OPN4: variants seen among roughly 807,000 people sequenced by gnomAD.
The protein encoded by OPN4 is opsin 4, also known as melanopsin.
In OPN4, 43 loss-of-function variants were observed where a neutral mutation model predicts 49.5. The ratio of observed to expected loss-of-function variants is 0.87; its 90% CI spans 0.68 to 1.12. OPN4 has a LOEUF of 1.12. Among genes scored for constraint, OPN4 ranks in the 50% most tolerant of loss-of-function variants. The pLI, the probability that OPN4 is intolerant of heterozygous loss-of-function variation, is 0.00. For synonymous variants in OPN4, 263 were observed against 258.0 expected (o/e 1.02, Z -0.19); for missense variants, 657 against 643.9 (o/e 1.02, Z -0.22).
chr10:86,657,089 A>G, intron 2 of OPN4: 2 of 707,292 alleles, frequency 2.8e-6, no homozygotes, highest in East Asian at 5.0e-5. Flanking sequence ...GGAGAAGGGA[A>G]CCCAGGCTGC....
At chr10:86,664,530 C>T (rs1161810929) in intron 9 of OPN4, among the ~76,000 whole-genome samples, 2 of 152,172 alleles carry the variant, frequency 1.3e-5, no homozygotes, top group African/African-American at 2.4e-5. Flanking sequence ...AGCAGCCCTT[C>T]GCCCCAGCTG....
At chr10:86,656,659 T>C (rs1843872773) in intron 2 of OPN4, among the ~76,000 whole-genome samples, 1 of 152,040 alleles carries the variant, frequency 6.6e-6, no homozygotes, top group Non-Finnish European at 1.5e-5. Context: ...GAAGAGCAGC[T>C]CTAGGCCAGG....
chr10:86,664,035 A>C, intron 9 of OPN4: 1 of 484,220 alleles, frequency 2.1e-6, no homozygotes, highest in South Asian at 3.2e-5. Flanking sequence ...TGTGTGTGTG[A>C]TCATGCAACT....
intron 9 of OPN4, among the ~76,000 whole-genome samples, chr10:86,664,431 G>A (rs894530147): frequency 5.3e-5 from 8 of 152,270 alleles, no homozygotes; most frequent in South Asian, 2.1e-4. Flanking sequence ...GCCAGCTGTC[G>A]GCCCAAGTGC....
Position 86,656,139 on chromosome 10 carries a change from CTCTG to C in OPN4, c.145-12_145-9del. ...AAGCGATAACATGATTCCCTCGTTT[CTCTG>C]TCTCTCCGCAGGCACCTGGGACTTG... On this transcript the variant is annotated splice_polypyrimidine_tract_variant and intron_variant, in intron 1 of 9. Transcript: ENST00000241891. 6.2e-7 allele frequency: 1 copy of C among 1,614,190 alleles called. No homozygotes were observed. The highest frequency in any genetic ancestry group is 8.5e-7 in the Non-Finnish European group (1 of 1,180,010).
intron 2 of OPN4, 23 bp downstream of exon 2, chr10:86,656,323 C>T: frequency 3.2e-6 from 5 of 1,572,948 alleles, no homozygotes; most frequent in Non-Finnish European, 2.6e-6. Context: ...TGGTGCTGGG[C>T]CCAGGGCACT....
Position 86,665,769 on chromosome 10 carries a change from C to CAGATGT in OPN4, c.*18_*19insAGATGT. 1 of 1,608,190 alleles carries CAGATGT rather than the reference C, an allele frequency of 6.2e-7. No homozygotes were observed. Among genetic ancestry groups the CAGATGT allele is most frequent in the East Asian group, 2.2e-5 (1 of 44,840 alleles). ...GGATGTAGGACGCCCACTGGCTCTC[C>CAGATGT]CTTTCTTCTGAGACACATCCAGCCC... On this transcript the variant is annotated 3_prime_UTR_variant, in exon 10 of 10. Coordinates refer to ENST00000241891, the MANE Select transcript of OPN4 (RefSeq NM_033282.4).
Position 86,663,746 on chromosome 10 carries a change from T to G in OPN4, c.1342T>G (p.Leu448Val), listed in dbSNP as rs747204700. 6.4e-7 allele frequency: 1 copy of G among 1,572,236 alleles called. No individual in the cohort carries two copies. The highest frequency in any genetic ancestry group is 8.6e-7 in the Non-Finnish European group (1 of 1,159,186). The change falls in exon 9 of 10, where the codon TTG becomes GTG. Residue 448 changes from leucine to valine, a missense_variant. Transcript: ENST00000241891. The part of the protein sequence containing the change: ...RSLYGQGLED[L>V]EAKAPPRPQG... ...CCTCTACGGTCAGGGTCTGGAGGAC[T>G]TGGAAGCCAAGGCACCCCCCAGACC... is the stretch of plus-strand genomic sequence containing the variant.
intron 1 of OPN4, among the ~76,000 whole-genome samples, 170 bp from the exon 2 acceptor site, chr10:86,655,985 C>T (rs1843851614): frequency 1.3e-5 from 2 of 152,264 alleles, no homozygotes; most frequent in Admixed American, 6.5e-5. Context: ...AAAGGACCTG[C>T]ACTTCCCTTC....
In OPN4 at chr10:86,666,309, G is replaced by A. The variant is rs1036545651; in HGVS notation, c.*558G>A. 10 of 188,390 alleles carry A rather than the reference G, an allele frequency of 5.3e-5. No homozygotes were observed. The highest frequency in any genetic ancestry group is 1.2e-4 in the South Asian group (1 of 8,314). 11.7% of individuals were successfully genotyped at this position (188,390 alleles called of 1,614,324 possible). On this transcript the variant is annotated 3_prime_UTR_variant, in exon 10 of 10. Transcript: ENST00000241891. ...CGCGGGCATTTGCAGGCACGCTCTC[G>A]CGTAGTTACCTATCTGAATGCACAC... is the stretch of plus-strand genomic sequence containing the variant.
chr10:86,654,565 G>A lies in OPN4; in HGVS notation c.-219G>A, dbSNP rs755360863. ...TGTGGCTGTGAGTCACCATAACTGC[G>A]ACACTCACTCATTTGCGCTTCACCA... On this transcript the variant is annotated 5_prime_UTR_variant, in exon 1 of 10. Coordinates refer to ENST00000241891, the MANE Select transcript of OPN4 (RefSeq NM_033282.4). 2.5e-5 allele frequency: 14 copies of A among 552,628 alleles called. No homozygotes were observed. Among genetic ancestry groups the A allele is most frequent in the Non-Finnish European group, 4.1e-5 (13 of 315,022 alleles). 34.2% of individuals were successfully genotyped at this position (552,628 alleles called of 1,614,324 possible).
At position 86,662,283 on chromosome 10, in the gene OPN4, G is replaced by A; in HGVS notation, c.1105G>A (p.Gly369Arg). The A allele has an allele frequency of 3.1e-6, 5 of 1,609,828 alleles. No individual in the cohort carries two copies. The highest frequency in any genetic ancestry group is 2.7e-5 in the African/African-American group (2 of 75,000). ...CATTGCCCAGCACCTGCCCTGCCTG[G>A]GGGTGCTGCTGGGTGTATCACGCCG... ...VAIAQHLPCLGVLLGVSRRHS... is the reference protein window; with the variant it reads ...VAIAQHLPCLRVLLGVSRRHS... The change falls in exon 8 of 10, where the codon GGG becomes AGG. Residue 369 changes from glycine to arginine, a missense_variant. Transcript: ENST00000241891.
In OPN4 at chr10:86,658,593, C is replaced by T. The variant is rs754766542; in HGVS notation, c.534C>T (p.Thr178=). 2 of 1,614,210 alleles carry T rather than the reference C, an allele frequency of 1.2e-6. No homozygotes were observed. The highest frequency in any genetic ancestry group is 1.7e-6 in the Non-Finnish European group (2 of 1,180,040). Residue 178 remains threonine, a synonymous_variant, in exon 4 of 10, where the codon ACC becomes ACT. Transcript: ENST00000241891. The part of the protein sequence containing the change: ...RYLVITRPLA[T]FGVASKRRAA... The stretch of plus-strand genomic sequence containing the variant: ...TGGTAATCACACGCCCGCTGGCCAC[C>T]TTTGGTGTGGCGTCCAAGAGGCGTG...
intron 2 of OPN4, chr10:86,657,335 A>G: frequency 2.7e-6 from 2 of 735,828 alleles, no homozygotes; most frequent in Non-Finnish European, 5.1e-6. Context: ...AAATGGGGAC[A>G]ATGACGCCTC....
intron 2 of OPN4, 120 bp from the exon 3 acceptor site, chr10:86,657,912 G>A: frequency 9.4e-7 from 1 of 1,063,928 alleles, no homozygotes; most frequent in African/African-American, 1.6e-5. Flanking sequence ...TTGCCCATGT[G>A]TGTGTGCATG....
chr10:86,660,151 GGCCA>G (rs2132304623), intron 6 of OPN4, 92 bp downstream of exon 6: 5 of 1,425,502 alleles, frequency 3.5e-6, no homozygotes, highest in Non-Finnish European at 3.9e-6. Context: ...GCCCAACCCC[GGCCA>G]GCCATCCTCG....
intron 9 of OPN4, among the ~76,000 whole-genome samples, chr10:86,664,394 C>T (rs933685809): frequency 5.9e-5 from 9 of 152,124 alleles, no homozygotes; most frequent in East Asian, 3.9e-4. Flanking sequence ...GGATGTCACC[C>T]GGAATACTTG....
Position 86,661,403 on chromosome 10 carries a change from C to A in OPN4, c.1073+15C>A. 1 of 1,594,962 alleles carries A rather than the reference C, an allele frequency of 6.3e-7. No individual in the cohort carries two copies. The highest frequency in any genetic ancestry group is 8.6e-7 in the Non-Finnish European group (1 of 1,163,450). On this transcript the variant is annotated intron_variant, in intron 7 of 9. Transcript: ENST00000241891. ...CCCAAGTACAGGTGTGGCTCTTTTC[C>A]AGAACCCCACACCTTGGCCTCCAAG...
Position 86,663,554 on chromosome 10 carries a change from A to G in OPN4, c.1255-105A>G, listed in dbSNP as rs565061608. The G allele has an allele frequency of 3.3e-5, 37 of 1,121,840 alleles. No homozygotes were observed. In the South Asian group the frequency reaches 7.6e-4, roughly 23 times the overall value. The allele number at this position is 1,121,840 out of a possible 1,614,324, so 69.5% of individuals were successfully genotyped here. On this transcript the variant is annotated intron_variant, in intron 8 of 9. Transcript: ENST00000241891. Reference sequence around the variant, plus strand: ...CAAATGGTGTCAGGGGCCTCCCGCAATGAATACCTGTTGGGAGGATGAAGG... The same window carrying G: ...CAAATGGTGTCAGGGGCCTCCCGCAGTGAATACCTGTTGGGAGGATGAAGG...
Sources: gnomAD v4.1 joint callset for allele counts (sites outside exome capture counted in the v4.1 genomes callset) on GRCh38, gnomAD v4.1.1 for gene constraint, MANE v1.5 for transcripts, NCBI Gene and HGNC (gene_info 2026-07-23, HGNC 2026-07-21) for gene names.